KCNH1: variants seen among roughly 807,000 people sequenced by gnomAD.
KCNH1 encodes potassium voltage-gated channel subfamily H member 1.
KCNH1 carries 27 observed loss-of-function variants against 69.2 expected under a neutral mutation model. The observed-to-expected ratio is 0.39, with a 90% CI of 0.29 to 0.54. KCNH1 has a LOEUF of 0.54. Ranked by LOEUF, KCNH1 falls within the 20% of genes least tolerant of loss-of-function variation. The pLI is 0.68. For missense variants in KCNH1, 798 were observed against 1,261.6 expected (o/e 0.63, Z 5.57); for synonymous variants, 456 against 487.7 (o/e 0.93, Z 0.86).
rs747498526 is a variant in KCNH1 at position 211,050,260 on chromosome 1, TAAAAAAAAA to T, written c.559-31013_559-31005del. ...AGGACAAACTCAGCCCACACATTCTTAAAAAAAAAAAAAAAAAAAAAAAAAAAAAAGGAC... is the reference window on the plus strand; with the variant it reads ...AGGACAAACTCAGCCCACACATTCTTAAAAAAAAAAAAAAAAAAAAAGGAC... On this transcript the variant is annotated intron_variant, in intron 5 of 10. Coordinates refer to ENST00000271751, the MANE Select transcript of KCNH1 (RefSeq NM_172362.3). Among the ~76,000 whole-genome samples the T allele has an allele frequency of 1.8e-3, 103 of 58,576 alleles. 2 individuals carry two copies. The highest frequency in any genetic ancestry group is 6.4e-3 in the African/African-American group (91 of 14,166). 38.4% of individuals were successfully genotyped at this position (58,576 alleles called of 152,430 possible). A position where few individuals can be genotyped will look rare whatever the true frequency, so the allele number is the denominator to read the frequency against.
chr1:210,761,075 A>AC (rs763207351), intron 10 of KCNH1, among the ~76,000 whole-genome samples: 1 of 150,242 alleles, frequency 6.7e-6, no homozygotes, highest in Non-Finnish European at 1.5e-5. Flanking sequence ...AAATGGTGAA[A>AC]CCCCGTCTCT....
intron 10 of KCNH1, among the ~76,000 whole-genome samples, chr1:210,692,896 C>G (rs2149006120): frequency 6.6e-6 from 1 of 152,322 alleles, no homozygotes; most frequent in South Asian, 2.1e-4. Context: ...TTTTAAGCCA[C>G]CAAGTCTGTG....
chr1:210,744,238 CGG>C (rs1243245762), intron 10 of KCNH1, among the ~76,000 whole-genome samples: 1 of 152,230 alleles, frequency 6.6e-6, no homozygotes, highest in Non-Finnish European at 1.5e-5. Context: ...TACTGACCAT[CGG>C]CCCATGTAAG....
Position 211,064,971 on chromosome 1 carries a change from A to G in KCNH1, c.558+17809T>C, listed in dbSNP as rs186907099. Among the ~76,000 whole-genome samples the G allele has an allele frequency of 1.6e-4, 24 of 152,338 alleles. No homozygotes were observed. The East Asian group carries it at 3.5e-3, about 22-fold the overall frequency. On this transcript the variant is annotated intron_variant, in intron 5 of 10. Coordinates refer to ENST00000271751, the MANE Select transcript of KCNH1 (RefSeq NM_172362.3). ...ACATCTGTTAAAATGACTATTATCA[A>G]AAAGATTAAAGATAAGCATTGGAGA...
intron 6 of KCNH1, among the ~76,000 whole-genome samples, chr1:210,950,326 G>A (rs1688040829): frequency 7.0e-6 from 1 of 143,038 alleles, no homozygotes; most frequent in African/African-American, 2.6e-5. Context: ...CCACTAACTC[G>A]TCATCTAGCA....
intron 5 of KCNH1, among the ~76,000 whole-genome samples, chr1:211,057,137 G>A (rs1369618313): frequency 1.3e-5 from 2 of 152,088 alleles, no homozygotes; most frequent in Non-Finnish European, 2.9e-5. Context: ...AGATAACATA[G>A]AGAAAGAATT....
chr1:210,763,144 G>T (rs527372282), intron 10 of KCNH1, among the ~76,000 whole-genome samples: 42 of 152,190 alleles, frequency 2.8e-4, no homozygotes, highest in Non-Finnish European at 5.1e-4. Flanking sequence ...CTCAATAGAT[G>T]CAGAAAAAGT....
At position 211,133,997 on chromosome 1, in the gene KCNH1, A is replaced by G; in HGVS notation, c.-52T>C. The G allele has an allele frequency of 1.3e-6, 2 of 1,524,442 alleles. No homozygotes were observed. The highest frequency in any genetic ancestry group is 2.3e-5 in the East Asian group (1 of 43,324). The allele number at this position is 1,524,442 out of a possible 1,614,324, so 94.4% of individuals were successfully genotyped here. On this transcript the variant is annotated 5_prime_UTR_variant, in exon 1 of 11. Coordinates refer to ENST00000271751, the MANE Select transcript of KCNH1 (RefSeq NM_172362.3). The surrounding 1 kb of genome is among the most constrained non-coding windows in gnomAD (Gnocchi z 5.4). ...GCGTCCTGGCGCGGCTTCTTACGAC[A>G]GCAGGAAACTGGCCTCGGGGCCCGC...
chr1:211,010,154 C>T (rs1501553), intron 6 of KCNH1, among the ~76,000 whole-genome samples: 1 of 151,880 alleles, frequency 6.6e-6, no homozygotes, highest in East Asian at 1.9e-4. Context: ...GCCTAGCGGA[C>T]GCAGAAAATA....
intron 1 of KCNH1, among the ~76,000 whole-genome samples, chr1:211,113,374 A>G (rs1480944394): frequency 6.6e-6 from 1 of 152,240 alleles, no homozygotes; most frequent in Non-Finnish European, 1.5e-5. Context: ...GCCTTCTGAT[A>G]TACAATGATG....
intron 10 of KCNH1, among the ~76,000 whole-genome samples, chr1:210,696,453 T>G (rs1681641468): frequency 6.6e-6 from 1 of 152,228 alleles, no homozygotes; most frequent in Admixed American, 6.5e-5. Context: ...TAGTATAGTT[T>G]CAGTTTCTGT....
intron 7 of KCNH1, among the ~76,000 whole-genome samples, chr1:210,852,562 C>T (rs955234980): frequency 6.6e-6 from 1 of 152,094 alleles, no homozygotes; most frequent in African/African-American, 2.4e-5. Context: ...TTAAAGAGCC[C>T]CTTGTCCTTT....
intron 10 of KCNH1, among the ~76,000 whole-genome samples, chr1:210,719,353 T>TA (rs1682394765): frequency 6.6e-6 from 1 of 152,144 alleles, no homozygotes; most frequent in Admixed American, 6.5e-5. Context: ...TAAGGAAACC[T>TA]AAACTGAATC....
chr1:211,108,064 C>A (rs1691391363), intron 1 of KCNH1, among the ~76,000 whole-genome samples: 1 of 152,190 alleles, frequency 6.6e-6, no homozygotes, highest in South Asian at 2.1e-4. Flanking sequence ...CATTTTGGGG[C>A]TCTGTCACAG....
chr1:211,105,811 G>C (rs1691338934), intron 2 of KCNH1, among the ~76,000 whole-genome samples: 3 of 152,110 alleles, frequency 2.0e-5, no homozygotes. Context: ...AAATACCTAA[G>C]AGGATAACAG....
intron 7 of KCNH1, among the ~76,000 whole-genome samples, chr1:210,899,494 T>C (rs1558517203): frequency 1.3e-5 from 2 of 151,430 alleles, no homozygotes. Flanking sequence ...TTATGAGATA[T>C]ATATATATAT....
chr1:210,715,608 A>G (rs757463806), intron 10 of KCNH1, among the ~76,000 whole-genome samples: 5 of 152,072 alleles, frequency 3.3e-5, no homozygotes, highest in Non-Finnish European at 4.4e-5. Context: ...AGTTTGCATC[A>G]TAATCATTAG....
intron 7 of KCNH1, among the ~76,000 whole-genome samples, chr1:210,808,916 C>T (rs1345081186): frequency 1.3e-5 from 2 of 151,968 alleles, no homozygotes; most frequent in African/African-American, 2.4e-5. Flanking sequence ...AAAGCAAGAA[C>T]GAACCTCCCA....
intron 10 of KCNH1, among the ~76,000 whole-genome samples, chr1:210,760,903 G>A (rs553114646): frequency 6.6e-6 from 1 of 152,272 alleles, no homozygotes; most frequent in East Asian, 1.9e-4. Flanking sequence ...AATTCACGAT[G>A]AGATTTGGGT....
Sources: allele counts gnomAD v4.1 joint callset (sites outside exome capture counted in the v4.1 genomes callset), GRCh38; gene constraint gnomAD v4.1.1; non-coding constraint Gnocchi (gnomAD v3.1); transcripts MANE v1.5; gene names NCBI Gene and HGNC (gene_info 2026-07-23, HGNC 2026-07-21).